SPAG16: variants seen among roughly 807,000 people sequenced by gnomAD.
The protein encoded by SPAG16 is sperm-associated antigen 16 protein.
A neutral mutation model predicts 80.4 loss-of-function variants in SPAG16; 86 were observed. That is an observed-to-expected ratio of 1.07 (90% CI 0.90 to 1.28). SPAG16 has a LOEUF of 1.28. Among genes scored for constraint, SPAG16 ranks in the 50% most tolerant of loss-of-function variants. SPAG16 has a pLI of 0.00. For synonymous variants in SPAG16, 294 were observed against 265.9 expected, an observed-to-expected ratio of 1.11 and a Z score of -1.03; for missense variants, 870 against 765.3, an observed-to-expected ratio of 1.14 and a Z score of -1.61.
chr2:213,701,665 C>G (rs2065428624), intron 10 of SPAG16, among the ~76,000 whole-genome samples: 3 of 152,196 alleles, frequency 2.0e-5, no homozygotes, highest in Non-Finnish European at 2.9e-5. Flanking sequence ...GCGCAGGATC[C>G]ACTAGGCGAA....
At chr2:213,956,482 C>G (rs932235920) in intron 12 of SPAG16, among the ~76,000 whole-genome samples, 11 of 133,688 alleles carry the variant, frequency 8.2e-5, no homozygotes, top group Non-Finnish European at 1.4e-4. Flanking sequence ...GGGTCTCACT[C>G]TGTCACCCAG....
At chr2:213,878,394 C>A (rs4672688) in intron 11 of SPAG16, among the ~76,000 whole-genome samples, 91,837 of 151,900 alleles carry the variant, frequency 0.6, 29,346 homozygotes, top group South Asian at 0.85. Flanking sequence ...ATGCTTTCTC[C>A]TTGTGTTTTT....
At chr2:213,393,421 AATAC>A (rs1411775673) in intron 9 of SPAG16, among the ~76,000 whole-genome samples, 4 of 151,916 alleles carry the variant, frequency 2.6e-5, no homozygotes, top group Admixed American at 2.0e-4. Context: ...AAAATTACAA[AATAC>A]ATATGTAGTC....
intron 10 of SPAG16, among the ~76,000 whole-genome samples, chr2:213,610,407 T>A (rs74542544): frequency 0.06 from 9,056 of 152,158 alleles, 891 homozygotes; most frequent in African/African-American, 0.2. Flanking sequence ...ACACTTACCA[T>A]CTATTCTCTC....
At chr2:214,129,710 GACTTT>G (rs778866450) in intron 14 of SPAG16, among the ~76,000 whole-genome samples, 11 of 152,170 alleles carry the variant, frequency 7.2e-5, no homozygotes, top group Admixed American at 2.0e-4. Context: ...AATTTCTCAA[GACTTT>G]ACTTTTCTAT....
intron 10 of SPAG16, among the ~76,000 whole-genome samples, chr2:213,758,485 A>T (rs1482540192): frequency 6.6e-6 from 1 of 152,096 alleles, no homozygotes; most frequent in Non-Finnish European, 1.5e-5. Flanking sequence ...AAATGAAAAA[A>T]ATTCAATGGA....
chr2:213,631,058 C>T (rs943970551), intron 10 of SPAG16, among the ~76,000 whole-genome samples: 2 of 151,988 alleles, frequency 1.3e-5, no homozygotes, highest in African/African-American at 4.8e-5. Flanking sequence ...AATGAAAATC[C>T]AGGGAAAACA....
chr2:213,471,074 A>G (rs1195131066), intron 9 of SPAG16, among the ~76,000 whole-genome samples: 1 of 152,198 alleles, frequency 6.6e-6, no homozygotes, highest in Non-Finnish European at 1.5e-5. Flanking sequence ...AATTCCCTTT[A>G]CCACTGTCCT....
intron 15 of SPAG16, among the ~76,000 whole-genome samples, chr2:214,233,277 T>A (rs1576556195): frequency 1.3e-5 from 2 of 151,988 alleles, no homozygotes; most frequent in East Asian, 3.9e-4. Context: ...GTGTTTGCTT[T>A]ACAATAACAC....
intron 10 of SPAG16, among the ~76,000 whole-genome samples, chr2:213,704,105 C>A (rs115013768): frequency 6.6e-6 from 1 of 152,164 alleles, no homozygotes; most frequent in African/African-American, 2.4e-5. Context: ...ATTCACTGGG[C>A]AGCCTTATCA....
chr2:214,159,479 A>G (rs2056350586), intron 15 of SPAG16, among the ~76,000 whole-genome samples: 1 of 151,982 alleles, frequency 6.6e-6, no homozygotes, highest in Non-Finnish European at 1.5e-5. Flanking sequence ...TTAATAGGAT[A>G]ATCCTTTAAG....
chr2:213,385,034 A>C (rs2067353337), intron 9 of SPAG16, among the ~76,000 whole-genome samples: 1 of 151,978 alleles, frequency 6.6e-6, no homozygotes, highest in South Asian at 2.1e-4. Context: ...GTTCTCTAAT[A>C]ACATACTCTC....
intron 15 of SPAG16, among the ~76,000 whole-genome samples, chr2:214,292,365 C>T (rs545579081): frequency 2.6e-5 from 4 of 152,154 alleles, no homozygotes; most frequent in East Asian, 3.9e-4. Flanking sequence ...TCTCTTCACC[C>T]TCAGGGACAT....
At chr2:213,701,431 C>T (rs914869140) in intron 10 of SPAG16, among the ~76,000 whole-genome samples, 2 of 152,126 alleles carry the variant, frequency 1.3e-5, no homozygotes, top group African/African-American at 2.4e-5. Context: ...TTGGCGCCTC[C>T]TCGGTCTCGG....
chr2:213,310,359 C>G (rs1234669640), intron 4 of SPAG16, among the ~76,000 whole-genome samples, 182 bp downstream of exon 4: 1 of 113,410 alleles, frequency 8.8e-6, no homozygotes, highest in Non-Finnish European at 2.1e-5. Context: ...CACACACACA[C>G]ACACACACAC....
At chr2:213,399,335 A>C (rs968841078) in intron 9 of SPAG16, among the ~76,000 whole-genome samples, 1 of 151,942 alleles carries the variant, frequency 6.6e-6, no homozygotes, top group African/African-American at 2.4e-5. Context: ...GAGTATATTA[A>C]TTTTTTTGAC....
At chr2:213,775,916 A>G (rs1054587473) in intron 10 of SPAG16, among the ~76,000 whole-genome samples, 1 of 152,228 alleles carries the variant, frequency 6.6e-6, no homozygotes, top group African/African-American at 2.4e-5. Context: ...ATTGAACTGG[A>G]GATTGTTAGT....
chr2:213,871,177 G>A (rs6754362), intron 11 of SPAG16, among the ~76,000 whole-genome samples: 90,366 of 151,940 alleles, frequency 0.59, 28,751 homozygotes, highest in South Asian at 0.85. Flanking sequence ...AATCTTCTAT[G>A]AATAATATTA....
rs74319692 is a variant in SPAG16, at chr2:213,901,846, C to T, written c.1215-28114C>T. Among the ~76,000 whole-genome samples, 268 of 152,170 alleles carry T rather than the reference C, an allele frequency of 1.8e-3. 1 individual carries two copies. Among genetic ancestry groups the T allele is most frequent in the Non-Finnish European group, 2.8e-3 (189 of 68,012 alleles). ...GGCCAAGGTTGAGTGTAAAGAATGC[C>T]TGGAGTATATGGTTAAAAAATCATT... On this transcript the variant is annotated intron_variant, in intron 11 of 15. Coordinates refer to ENST00000331683, the MANE Select transcript of SPAG16 (RefSeq NM_024532.5).
Sources: allele counts gnomAD v4.1 joint callset (sites outside exome capture counted in the v4.1 genomes callset), GRCh38; gene constraint gnomAD v4.1.1; transcripts MANE v1.5; gene names NCBI Gene and HGNC (gene_info 2026-07-23, HGNC 2026-07-21).